The following MTMR14 variants were observed in gnomAD, a reference collection of about 807,000 sequenced individuals.
MTMR14 encodes phosphatidylinositol-3,5-bisphosphate 3-phosphatase MTMR14.
Under a neutral mutation model 86.3 loss-of-function variants are expected in MTMR14, and 48 were observed. The observed-to-expected ratio is 0.56, with a 90% CI of 0.44 to 0.71. MTMR14 has a LOEUF of 0.71. Ranked by LOEUF, MTMR14 falls within the 30% of genes least tolerant of loss-of-function variation. MTMR14 has a pLI of 0.00. For synonymous variants in MTMR14, 366 were observed against 326.1 expected (o/e 1.12, Z -1.32); for missense variants, 780 against 834.6 (o/e 0.93, Z 0.81).
intron 4 of MTMR14, 31 bp downstream of exon 4, chr3:9,668,825 A>G: frequency 1.2e-6 from 2 of 1,609,864 alleles, no homozygotes; most frequent in South Asian, 2.2e-5. Flanking sequence ...TCTGATGTAG[A>G]ATGAGAACCC....
At chr3:9,658,736 C>T (rs1438302186) in intron 2 of MTMR14, among the ~76,000 whole-genome samples, 1 of 152,184 alleles carries the variant, frequency 6.6e-6, no homozygotes, top group Non-Finnish European at 1.5e-5. Flanking sequence ...GTAAGCTCTA[C>T]TTTGTGCCTC....
At chr3:9,660,689 A>T (rs1293468357) in intron 2 of MTMR14, among the ~76,000 whole-genome samples, 1 of 152,176 alleles carries the variant, frequency 6.6e-6, no homozygotes, top group African/African-American at 2.4e-5. Flanking sequence ...TCCTTCTGGG[A>T]TAATATTTGG....
chr3:9,667,324 T>C (rs2048310732), intron 3 of MTMR14, among the ~76,000 whole-genome samples: 1 of 152,190 alleles, frequency 6.6e-6, no homozygotes, highest in Non-Finnish European at 1.5e-5. Context: ...TACTCCTCAC[T>C]GCTTGACTGA....
chr3:9,696,052 T>C lies in MTMR14; in HGVS notation c.1614-1659T>C, dbSNP rs192833429. Among the ~76,000 whole-genome samples, 3 of 152,344 alleles carry C rather than the reference T, an allele frequency of 2.0e-5. No homozygotes were observed. In the East Asian group the frequency reaches 5.8e-4, roughly 29 times the overall value. On this transcript the variant is annotated intron_variant, in intron 17 of 18. Coordinates refer to ENST00000296003, the MANE Select transcript of MTMR14 (RefSeq NM_001077525.3). ...ATCCCTAATGCTGCCATCACGCACCTTCTAGAGTTTAGCAGGAATGATGAA... is the reference window on the plus strand; with the variant it reads ...ATCCCTAATGCTGCCATCACGCACCCTCTAGAGTTTAGCAGGAATGATGAA...
chr3:9,656,200 A>G (rs2047595077), intron 2 of MTMR14, among the ~76,000 whole-genome samples: 1 of 152,000 alleles, frequency 6.6e-6, no homozygotes, highest in Admixed American at 6.6e-5. Context: ...TCTCAAAAAA[A>G]TAAAAAAAAA....
intron 9 of MTMR14, among the ~76,000 whole-genome samples, chr3:9,681,321 G>A (rs2075760997): frequency 6.6e-6 from 1 of 152,100 alleles, no homozygotes; most frequent in African/African-American, 2.4e-5. Flanking sequence ...CTGTCCCTCA[G>A]GCACTCAGCA....
At chr3:9,692,846 G>A (rs901334747) in intron 17 of MTMR14, among the ~76,000 whole-genome samples, 6 of 152,170 alleles carry the variant, frequency 3.9e-5, no homozygotes, top group African/African-American at 9.7e-5. Flanking sequence ...TTTGAGCAAC[G>A]AGCTCTGTCT....
intron 9 of MTMR14, among the ~76,000 whole-genome samples, chr3:9,680,418 C>T (rs1249767504): frequency 6.6e-6 from 1 of 152,206 alleles, no homozygotes; most frequent in African/African-American, 2.4e-5. Flanking sequence ...TAGAGCAGGG[C>T]CATCACTGTC....
chr3:9,657,711 C>T (rs1015906463), intron 2 of MTMR14, among the ~76,000 whole-genome samples: 1 of 152,042 alleles, frequency 6.6e-6, no homozygotes, highest in Non-Finnish European at 1.5e-5. Flanking sequence ...CCACCATGCC[C>T]GGCCAATTTT....
rs148427624 is a variant in MTMR14, at chr3:9,677,149, C to T, written c.752-168C>T. Among the ~76,000 whole-genome samples, 195 of 152,342 alleles carry T rather than the reference C, an allele frequency of 1.3e-3. 3 individuals carry two copies. In the East Asian group the frequency reaches 0.03, roughly 24 times the overall value. Reference sequence around the variant, plus strand: ...AGGGGCTCTAGAGGCTCGCCCCTGGCTTTTGCCCACCCGTGTCAGCCTTGG... The same window carrying T: ...AGGGGCTCTAGAGGCTCGCCCCTGGTTTTTGCCCACCCGTGTCAGCCTTGG... On this transcript the variant is annotated intron_variant, in intron 7 of 18. Transcript: ENST00000296003. The surrounding 1 kb of genome is among the most constrained non-coding windows in gnomAD (Gnocchi z 4.2).
rs745982509 is a variant in MTMR14, at chr3:9,653,772, G to A, written c.308+3G>A. The A allele has an allele frequency of 2.5e-6, 4 of 1,614,168 alleles. No homozygotes were observed. Among genetic ancestry groups the A allele is most frequent in the Non-Finnish European group, 3.4e-6 (4 of 1,180,034 alleles). On this transcript the variant is annotated splice_donor_region_variant and intron_variant, in intron 2 of 18. Coordinates refer to ENST00000296003, the MANE Select transcript of MTMR14 (RefSeq NM_001077525.3). Reference sequence around the variant, plus strand: ...AGTTCTGAGAAGGAGAAAGACACGTGAGCATCATGTGACCGTAGTGTACAT... The same window carrying A: ...AGTTCTGAGAAGGAGAAAGACACGTAAGCATCATGTGACCGTAGTGTACAT...
chr3:9,690,240 G>A (rs142311659), intron 17 of MTMR14, 97 bp downstream of exon 17: 15,883 of 1,364,032 alleles, frequency 0.012, 116 homozygotes, highest in Non-Finnish European at 0.014. Flanking sequence ...AGGGTCTCAA[G>A]ATGGGGTTCC....
intron 10 of MTMR14, 69 bp from the exon 11 acceptor site, chr3:9,684,515 GT>G: frequency 6.7e-7 from 1 of 1,495,792 alleles, no homozygotes; most frequent in Non-Finnish European, 9.3e-7. Flanking sequence ...GGCCAAGCTG[GT>G]GGTACTTCCT....
At chr3:9,667,536 C>T (rs1235386200) in intron 3 of MTMR14, among the ~76,000 whole-genome samples, 1 of 152,040 alleles carries the variant, frequency 6.6e-6, no homozygotes, top group Non-Finnish European at 1.5e-5. Flanking sequence ...GGAGTACATC[C>T]TACTTAAGCC....
At chr3:9,671,458 G>T (rs969275504) in intron 6 of MTMR14, among the ~76,000 whole-genome samples, 4 of 151,644 alleles carry the variant, frequency 2.6e-5, no homozygotes, top group Admixed American at 2.6e-4. Context: ...ACATATCTCT[G>T]TATTTTTTTT....
chr3:9,659,915 C>A, intron 2 of MTMR14: 1 of 444,084 alleles, frequency 2.3e-6, no homozygotes, highest in Non-Finnish European at 4.6e-6. Context: ...CCTGAGAAAT[C>A]CACCTTGGTT....
chr3:9,651,838 T>A (rs1327889614), intron 1 of MTMR14, among the ~76,000 whole-genome samples: 1 of 150,644 alleles, frequency 6.6e-6, no homozygotes, highest in Non-Finnish European at 1.5e-5. Context: ...GCTAATTTTT[T>A]TTTTTTTTTT....
chr3:9,657,828 T>C, intron 2 of MTMR14, among the ~76,000 whole-genome samples: 1 of 152,108 alleles, frequency 6.6e-6, no homozygotes, highest in East Asian at 1.9e-4. Context: ...GGATTACAGG[T>C]ATGAGCCACC....
chr3:9,690,814 A>G (rs1164066323), intron 17 of MTMR14, among the ~76,000 whole-genome samples: 1 of 152,158 alleles, frequency 6.6e-6, no homozygotes, highest in Non-Finnish European at 1.5e-5. Context: ...AAGTTTTGAG[A>G]ATGTCTAGCC....
Sources: allele counts gnomAD v4.1 joint callset (sites outside exome capture counted in the v4.1 genomes callset), GRCh38; gene constraint gnomAD v4.1.1; non-coding constraint Gnocchi (gnomAD v3.1); transcripts MANE v1.5; gene names NCBI Gene and HGNC (gene_info 2026-07-23, HGNC 2026-07-21).